SYNE1: variants seen among roughly 807,000 people sequenced by gnomAD.
The protein encoded by SYNE1 is nesprin-1.
In SYNE1, 616 loss-of-function variants were observed where a neutral mutation model predicts 1,111.0. The observed-to-expected ratio is 0.55, with a 90% CI of 0.52 to 0.59. SYNE1 has a LOEUF of 0.59. SYNE1 is among the 20% of genes least tolerant of loss of function. The probability of loss-of-function intolerance (pLI) is 0.00; values close to 1 mark genes in which losing one functional copy is unlikely to be tolerated. For missense variants in SYNE1, 10,006 were observed against 10,417.0 expected (o/e 0.96, Z 1.72); for synonymous variants, 3,855 against 3,825.8 (o/e 1.01, Z -0.28).
intron 11 of SYNE1, among the ~76,000 whole-genome samples, 162 bp downstream of exon 11, chr6:152,498,580 T>C (rs1416291546): frequency 1.3e-5 from 2 of 152,166 alleles, no homozygotes; most frequent in Non-Finnish European, 2.9e-5. Flanking sequence ...GTAACACATA[T>C]GTATGTTATT....
chr6:152,629,809 TA>T (rs901959555), intron 2 of SYNE1, among the ~76,000 whole-genome samples: 3 of 151,538 alleles, frequency 2.0e-5, no homozygotes, highest in Admixed American at 1.3e-4. Context: ...TGATGAAGGT[TA>T]AAAAAGGAAT....
Position 152,284,119 on chromosome 6 carries a change from G to A in SYNE1, c.18066C>T (p.Ser6022=). The change falls in exon 96 of 146, where the codon TCC becomes TCT. Residue 6022 remains serine, a synonymous_variant. Coordinates refer to ENST00000367255, the MANE Select transcript of SYNE1 (RefSeq NM_182961.4). ...MLQDEINELQ[S]SLAEELVSES... ...CGGATACCAGCTCCTCTGCGAGAGA[G>A]GACTGGAGCTCATTGATTTCATCCT... The A allele has an allele frequency of 6.2e-7, 1 of 1,614,180 alleles. No homozygotes were observed. The highest frequency in any genetic ancestry group is 8.5e-7 in the Non-Finnish European group (1 of 1,180,048).
chr6:152,233,465 C>T (rs2083253011), intron 112 of SYNE1, among the ~76,000 whole-genome samples: 1 of 152,066 alleles, frequency 6.6e-6, no homozygotes. Flanking sequence ...GCTGGGACTA[C>T]AGGCGCACAC....
At chr6:152,483,470 A>G (rs1304174054) in intron 13 of SYNE1, among the ~76,000 whole-genome samples, 1 of 152,216 alleles carries the variant, frequency 6.6e-6, no homozygotes, top group Non-Finnish European at 1.5e-5. Context: ...CTGAAAATAC[A>G]TCTTAAACAT....
intron 39 of SYNE1, among the ~76,000 whole-genome samples, chr6:152,422,132 G>A (rs951904045): frequency 1.1e-4 from 17 of 152,088 alleles, no homozygotes; most frequent in Admixed American, 7.9e-4. Flanking sequence ...AAATTCACTC[G>A]ACCATTCATC....
chr6:152,189,518 A>C lies in SYNE1; in HGVS notation c.23146-111T>G. 2.9e-6 allele frequency: 3 copies of C among 1,029,136 alleles called. No individual in the cohort carries two copies. In the South Asian group the frequency reaches 4.2e-5, roughly 14 times the overall value. The allele number at this position is 1,029,136 out of a possible 1,614,324, so 63.8% of individuals were successfully genotyped here. On this transcript the variant is annotated intron_variant, in intron 127 of 145. Coordinates refer to ENST00000367255, the MANE Select transcript of SYNE1 (RefSeq NM_182961.4). ...TTCCTTTGTATAGCCCTCAATTTAA[A>C]TATCTAACTTGGGATCTAGAGGCAC...
intron 3 of SYNE1, among the ~76,000 whole-genome samples, chr6:152,573,616 G>T (rs893379780): frequency 1.3e-5 from 2 of 152,040 alleles, no homozygotes; most frequent in Admixed American, 1.3e-4. Context: ...TGTTCAAGAA[G>T]ATTTAGAACC....
chr6:152,570,940 G>T (rs967077166), intron 3 of SYNE1, among the ~76,000 whole-genome samples: 10 of 152,154 alleles, frequency 6.6e-5, no homozygotes, highest in African/African-American at 2.4e-4. Flanking sequence ...TCACGAGACT[G>T]CCCTGCCCAG....
At chr6:152,458,606 T>A in intron 22 of SYNE1, 151 bp downstream of exon 22, 1 of 775,642 alleles carries the variant, frequency 1.3e-6, no homozygotes, top group South Asian at 1.8e-5. Flanking sequence ...ATTTTCATCT[T>A]TGGACAAGAC....
At chr6:152,223,857 G>T (rs958082352) in intron 117 of SYNE1, among the ~76,000 whole-genome samples, 1 of 152,224 alleles carries the variant, frequency 6.6e-6, no homozygotes, top group Non-Finnish European at 1.5e-5. Flanking sequence ...GCAGTGACAG[G>T]TGAGAGTGGC....
Position 152,419,551 on chromosome 6 carries a change from A to AC in SYNE1, c.5421+17_5421+18insG. The AC allele has an allele frequency of 6.3e-7, 1 of 1,598,510 alleles. No homozygotes were observed. Among genetic ancestry groups the AC allele is most frequent in the South Asian group, 1.2e-5 (1 of 85,916 alleles). On this transcript the variant is annotated intron_variant, in intron 40 of 145. Coordinates refer to ENST00000367255, the MANE Select transcript of SYNE1 (RefSeq NM_182961.4). ...AAGAAATTCTTCTTCAATCTTAAAA[A>AC]AAAAAAAACCACTTTACCTTATGCC...
chr6:152,227,016 T>C (rs1167641688), intron 115 of SYNE1, among the ~76,000 whole-genome samples: 2 of 152,140 alleles, frequency 1.3e-5, no homozygotes, highest in African/African-American at 2.4e-5. Context: ...ATAAAAAATA[T>C]TTTCACCCCC....
Position 152,404,195 on chromosome 6 carries a change from T to A in SYNE1, c.6825+18A>T. 2 of 1,583,472 alleles carry A rather than the reference T, an allele frequency of 1.3e-6. No homozygotes were observed. Among genetic ancestry groups the A allele is most frequent in the Non-Finnish European group, 1.7e-6 (2 of 1,153,124 alleles). On this transcript the variant is annotated intron_variant, in intron 46 of 145. Transcript: ENST00000367255. ...TACAAAATGGATGGAAGTCTAGTAGTTATTACAAAATGCTTACCTGAAGGT... is the reference window on the plus strand; with the variant it reads ...TACAAAATGGATGGAAGTCTAGTAGATATTACAAAATGCTTACCTGAAGGT...
intron 67 of SYNE1, among the ~76,000 whole-genome samples, chr6:152,353,948 T>C (rs1166184962): frequency 1.3e-5 from 2 of 152,168 alleles, no homozygotes; most frequent in Non-Finnish European, 2.9e-5. Context: ...TTGGATAGTT[T>C]TCTGTATCTA....
chr6:152,484,217 C>CAAAAT (rs112010131), intron 13 of SYNE1, among the ~76,000 whole-genome samples: 3,381 of 151,816 alleles, frequency 0.022, 148 homozygotes, highest in African/African-American at 0.077. Flanking sequence ...ATCTCAAAAA[C>CAAAAT]AAAATAAAAT....
At position 152,427,723 on chromosome 6, in the gene SYNE1, G is replaced by C. The variant is rs146789107; in HGVS notation, c.5070C>G (p.Val1690=). 1,285 of 1,613,976 alleles carry C rather than the reference G, an allele frequency of 8.0e-4. 4 individuals are homozygous for C. Among genetic ancestry groups the C allele is most frequent in the South Asian group, 1.3e-3 (120 of 91,054 alleles). The stretch of plus-strand genomic sequence containing the variant: ...TTAACTGAAGTTCACCTTCCACTTT[G>C]ACTCTGTCTGCAGAAATGTCCATTT... The part of the protein sequence containing the change: ...SPEMDISADR[V]KVEGELQLIQ... Residue 1690 remains valine, a synonymous_variant, in exon 38 of 146, where the codon GTC becomes GTG. Coordinates refer to ENST00000367255, the MANE Select transcript of SYNE1 (RefSeq NM_182961.4).
rs538149618 is a variant in SYNE1, at chr6:152,218,855, C to A, written c.22044+148G>T. The A allele has an allele frequency of 3.5e-6, 3 of 866,990 alleles. No individual in the cohort carries two copies. In the East Asian group the frequency reaches 7.6e-5, roughly 22 times the overall value. 53.7% of individuals were successfully genotyped at this position (866,990 alleles called of 1,614,324 possible). On this transcript the variant is annotated intron_variant, in intron 120 of 145. Coordinates refer to ENST00000367255, the MANE Select transcript of SYNE1 (RefSeq NM_182961.4). ...GCAAAACGTCCACCTTCATCGTCCC[C>A]ACCAGAACTTCCAAGTTTGTTTACT... is the stretch of plus-strand genomic sequence containing the variant.
intron 137 of SYNE1, chr6:152,147,416 C>T (rs1586170119): frequency 6.6e-6 from 1 of 152,430 alleles, no homozygotes. Context: ...TGCTGTGGCT[C>T]CACGACCTTC....
chr6:152,523,396 C>T (rs1196646036), intron 5 of SYNE1, among the ~76,000 whole-genome samples: 1 of 152,104 alleles, frequency 6.6e-6, no homozygotes, highest in Non-Finnish European at 1.5e-5. Context: ...GTTCTCTATT[C>T]TGTTCCATTG....
Sources: gnomAD v4.1 joint callset for allele counts (sites outside exome capture counted in the v4.1 genomes callset) on GRCh38, gnomAD v4.1.1 for gene constraint, MANE v1.5 for transcripts, NCBI Gene and HGNC (gene_info 2026-07-23, HGNC 2026-07-21) for gene names.